The following ARSG variants were observed in gnomAD, a reference collection of about 807,000 sequenced individuals.
ARSG encodes ASG.
In ARSG, 37 loss-of-function variants were observed where a neutral mutation model predicts 50.5. The observed-to-expected ratio is 0.73, with a 90% CI of 0.56 to 0.96. The LOEUF is 0.96. Ranked by LOEUF, ARSG falls within the 50% of genes least tolerant of loss-of-function variation. ARSG has a pLI of 0.00. For missense variants in ARSG, 629 were observed against 675.3 expected, an observed-to-expected ratio of 0.93 and a Z score of 0.76; for synonymous variants, 225 against 254.6, an observed-to-expected ratio of 0.88 and a Z score of 1.11.
chr17:68,296,699 T>C (rs2076220948), intron 1 of ARSG, among the ~76,000 whole-genome samples: 1 of 152,138 alleles, frequency 6.6e-6, no homozygotes, highest in African/African-American at 2.4e-5. Flanking sequence ...CCTCTGCTCA[T>C]CCATAGCCCA....
chr17:68,356,142 A>G (rs2079022813), intron 5 of ARSG, among the ~76,000 whole-genome samples: 1 of 152,232 alleles, frequency 6.6e-6, no homozygotes, highest in African/African-American at 2.4e-5. Context: ...TCGGTCTCCC[A>G]AAGTGCTGGG....
Position 68,386,507 on chromosome 17 carries a change from C to T in ARSG, c.1091+1335C>T, listed in dbSNP as rs561018147. On this transcript the variant is annotated intron_variant, in intron 9 of 11. Transcript: ENST00000621439. ...AAAGTATGGGGTGGGTGGGCATCAC[C>T]CCTGGCAGCCTGTGGGGCCCCCAGA... is the stretch of plus-strand genomic sequence containing the variant. Among the ~76,000 whole-genome samples, 109 of 152,204 alleles carry T rather than the reference C, an allele frequency of 7.2e-4. 1 individual carries two copies. Among genetic ancestry groups the T allele is most frequent in the Middle Eastern group, 3.4e-3 (1 of 294 alleles).
chr17:68,427,718 C>G (rs3785608), downstream of ARSG: 64 of 160,322 alleles, frequency 4.0e-4, no homozygotes, highest in East Asian at 0.011. Context: ...GCCTCTTTCT[C>G]TTACATTGGC....
intron 2 of ARSG, among the ~76,000 whole-genome samples, chr17:68,312,477 CATT>C (rs1188158056): frequency 3.3e-5 from 5 of 151,450 alleles, no homozygotes; most frequent in African/African-American, 1.2e-4. Flanking sequence ...ATATTAGTCC[CATT>C]ATTTAAGCTG....
At chr17:68,417,212 T>C (rs1284166086) in intron 11 of ARSG, among the ~76,000 whole-genome samples, 1 of 152,126 alleles carries the variant, frequency 6.6e-6, no homozygotes, top group African/African-American at 2.4e-5. Flanking sequence ...ACAGCTAGAG[T>C]GGCTAGAGCT....
At chr17:68,391,634 G>A (rs1259814478) in intron 9 of ARSG, among the ~76,000 whole-genome samples, 1 of 152,176 alleles carries the variant, frequency 6.6e-6, no homozygotes, top group African/African-American at 2.4e-5. Flanking sequence ...CTCTCTTAGG[G>A]GCACAATTTA....
downstream of ARSG, chr17:68,427,481 C>T (rs1005447655): frequency 2.8e-5 from 9 of 323,780 alleles, no homozygotes; most frequent in East Asian, 1.4e-4. Flanking sequence ...CTCAGCCTCC[C>T]GAGTAGCTGC....
At chr17:68,345,886 AT>A (rs2078479624) in intron 3 of ARSG, among the ~76,000 whole-genome samples, 1 of 151,824 alleles carries the variant, frequency 6.6e-6, no homozygotes, top group Admixed American at 6.6e-5. Flanking sequence ...AATCTTTTTT[AT>A]TTATTTGGGA....
At chr17:68,394,418 A>G (rs2081140267) in intron 9 of ARSG, among the ~76,000 whole-genome samples, 1 of 152,154 alleles carries the variant, frequency 6.6e-6, no homozygotes, top group South Asian at 2.1e-4. Context: ...CCTAGGCAAC[A>G]TCGCAAGACC....
At chr17:68,386,269 G>T (rs1327583126) in intron 9 of ARSG, among the ~76,000 whole-genome samples, 1 of 152,212 alleles carries the variant, frequency 6.6e-6, no homozygotes, top group African/African-American at 2.4e-5. Flanking sequence ...GTAGAACCCT[G>T]TGCTCATTCA....
In ARSG at chr17:68,348,537, C is replaced by T. The variant is rs199975456; in HGVS notation, c.454+1365C>T. Among the ~76,000 whole-genome samples the T allele has an allele frequency of 5.9e-5, 9 of 152,074 alleles. No individual in the cohort carries two copies. The East Asian group carries it at 1.7e-3, about 29-fold the overall frequency. ...CTTATGTCCAAGTTCACTCCTTTTC[C>T]CTCCTGCCTCTTACATCCTCTCTGC... On this transcript the variant is annotated intron_variant, in intron 4 of 11. Coordinates refer to ENST00000621439, the MANE Select transcript of ARSG (RefSeq NM_001267727.2).
At chr17:68,292,390 C>A (rs998161115) in intron 1 of ARSG, among the ~76,000 whole-genome samples, 1 of 152,184 alleles carries the variant, frequency 6.6e-6, no homozygotes, top group East Asian at 1.9e-4. Context: ...ATGATGCACG[C>A]GAAATCTCAG....
At chr17:68,430,217 A>C in the ARSG span, 4 of 1,540,384 alleles carry the variant, frequency 2.6e-6, no homozygotes, top group Non-Finnish European at 3.5e-6. Context: ...ACACGCACCC[A>C]GGAATCTCCA....
chr17:68,394,378 A>G (rs1436821222), intron 9 of ARSG, among the ~76,000 whole-genome samples: 2 of 152,080 alleles, frequency 1.3e-5, no homozygotes, highest in African/African-American at 4.8e-5. Context: ...GAGGCAGGAG[A>G]ATCACCTGAA....
the ARSG span, among the ~76,000 whole-genome samples, chr17:68,441,798 T>A: frequency 6.6e-6 from 1 of 152,302 alleles, no homozygotes; most frequent in African/African-American, 2.4e-5. Context: ...GAAAGGGAGC[T>A]CAGGAGAAGT....
At chr17:68,261,202 G>A (rs557908409) in intron 1 of ARSG, among the ~76,000 whole-genome samples, 3 of 152,288 alleles carry the variant, frequency 2.0e-5, no homozygotes, top group East Asian at 3.9e-4. Context: ...AGGGAAAAAA[G>A]TCTATAACTC....
At chr17:68,372,074 A>G (rs1454717731) in intron 8 of ARSG, among the ~76,000 whole-genome samples, 2 of 152,210 alleles carry the variant, frequency 1.3e-5, no homozygotes, top group African/African-American at 4.8e-5. Context: ...TTAAATGTTT[A>G]GGAGGTATTT....
chr17:68,416,955 G>A (rs2147508902), intron 11 of ARSG, among the ~76,000 whole-genome samples: 1 of 152,228 alleles, frequency 6.6e-6, no homozygotes, highest in African/African-American at 2.4e-5. Context: ...CTAACCTCCT[G>A]AATTCTTTTT....
chr17:68,403,602 C>T (rs1028464626), intron 11 of ARSG, among the ~76,000 whole-genome samples: 58 of 152,176 alleles, frequency 3.8e-4, no homozygotes, highest in African/African-American at 1.4e-3. Flanking sequence ...ATGTGTTCGT[C>T]TATGATGAGG....
Sources: gnomAD v4.1 joint callset for allele counts (sites outside exome capture counted in the v4.1 genomes callset) on GRCh38, gnomAD v4.1.1 for gene constraint, MANE v1.5 for transcripts, NCBI Gene and HGNC (gene_info 2026-07-23, HGNC 2026-07-21) for gene names.